Variants in TSPAN5 observed in about 807,000 individuals in gnomAD.
The protein encoded by TSPAN5 is tetraspanin 5.
In TSPAN5, 10 loss-of-function variants were observed where a neutral mutation model predicts 37.1. The observed-to-expected ratio is 0.27, with a 90% confidence interval of 0.17 to 0.46. The LOEUF (loss-of-function observed/expected upper bound fraction) is 0.46, where lower values mean the gene tolerates loss of function less well. TSPAN5 is among the 20% of genes least tolerant of loss of function. The pLI is 1.00. For missense variants in TSPAN5, 195 were observed against 326.6 expected (o/e 0.60, Z 3.11); for synonymous variants, 110 against 118.9 (o/e 0.93, Z 0.48).
At chr4:98,497,359 C>A (rs1753237108) in intron 2 of TSPAN5, among the ~76,000 whole-genome samples, 1 of 151,862 alleles carries the variant, frequency 6.6e-6, no homozygotes, top group Non-Finnish European at 1.5e-5. Flanking sequence ...CCAGGGCCCT[C>A]CCTCTCTCAC....
At chr4:98,556,459 T>C (rs781383467) in intron 1 of TSPAN5, among the ~76,000 whole-genome samples, 2 of 152,234 alleles carry the variant, frequency 1.3e-5, no homozygotes, top group African/African-American at 2.4e-5. Flanking sequence ...AGTATATGAA[T>C]GCCATCTAAA....
At chr4:98,606,868 G>A (rs1290365896) in intron 1 of TSPAN5, among the ~76,000 whole-genome samples, 1 of 152,182 alleles carries the variant, frequency 6.6e-6, no homozygotes, top group Non-Finnish European at 1.5e-5. Context: ...TCTTTAGGGG[G>A]CATTTATGAG....
chr4:98,643,216 C>G (rs1756994610), intron 1 of TSPAN5, among the ~76,000 whole-genome samples: 1 of 152,106 alleles, frequency 6.6e-6, no homozygotes. Flanking sequence ...GTTATAAATG[C>G]CTACAGTATT....
chr4:98,476,104 G>C (rs1752689545), intron 7 of TSPAN5, 85 bp downstream of exon 7: 1 of 1,003,070 alleles, frequency 1.0e-6, no homozygotes, highest in Admixed American at 2.0e-5. Flanking sequence ...TGACAATCAA[G>C]GTTTTTAAGC....
chr4:98,522,173 C>T (rs1753870976), intron 1 of TSPAN5, among the ~76,000 whole-genome samples: 1 of 152,176 alleles, frequency 6.6e-6, no homozygotes, highest in Non-Finnish European at 1.5e-5. Flanking sequence ...CCTATGTGCC[C>T]AACCCCCACA....
intron 1 of TSPAN5, among the ~76,000 whole-genome samples, chr4:98,626,793 C>T (rs1210794682): frequency 6.6e-6 from 1 of 151,406 alleles, no homozygotes; most frequent in African/African-American, 2.4e-5. Flanking sequence ...GCGTTTATCA[C>T]TATCTAATGA....
At chr4:98,573,688 T>A (rs1755173698) in intron 1 of TSPAN5, among the ~76,000 whole-genome samples, 1 of 152,270 alleles carries the variant, frequency 6.6e-6, no homozygotes, top group South Asian at 2.1e-4. Context: ...TAAGTACTGA[T>A]CTTCTCACAT....
rs1157310099 is a variant in TSPAN5 at position 98,658,560 on chromosome 4, G to A, written c.-334C>T. 5.9e-6 allele frequency: 1 copy of A among 169,122 alleles called. No homozygotes were observed. Among genetic ancestry groups the A allele is most frequent in the African/African-American group, 2.4e-5 (1 of 42,062 alleles). 10.5% of individuals were successfully genotyped at this position (169,122 alleles called of 1,614,324 possible). A position where few individuals can be genotyped will look rare whatever the true frequency, so the allele number is the denominator to read the frequency against. ...CGGTCGGTCCGTCGGTTCGTCCCCG[G>A]GCTTCGGGCAAAGGCGGCCGCGGCA... On this transcript the variant is annotated 5_prime_UTR_variant, in exon 1 of 8. Coordinates refer to ENST00000305798, the MANE Select transcript of TSPAN5 (RefSeq NM_005723.4).
At chr4:98,485,463 C>T (rs1368359589) in intron 3 of TSPAN5, 2 of 152,218 alleles carry the variant, frequency 1.3e-5, no homozygotes, top group Admixed American at 6.5e-5. Flanking sequence ...AGGAAACTAG[C>T]TACAGCCACT....
chr4:98,594,155 A>G (rs1241471983), intron 1 of TSPAN5, among the ~76,000 whole-genome samples: 1 of 124,688 alleles, frequency 8.0e-6, no homozygotes, highest in East Asian at 2.2e-4. Context: ...GGTCCTTCAC[A>G]TCCCTTGTAA....
chr4:98,582,530 G>A (rs1021358415), intron 1 of TSPAN5, among the ~76,000 whole-genome samples: 4 of 152,212 alleles, frequency 2.6e-5, no homozygotes, highest in African/African-American at 4.8e-5. Context: ...TTTGCCACAC[G>A]TTGACTTGCC....
At chr4:98,638,929 G>A (rs993515893) in intron 1 of TSPAN5, among the ~76,000 whole-genome samples, 1 of 152,228 alleles carries the variant, frequency 6.6e-6, no homozygotes, top group East Asian at 1.9e-4. Flanking sequence ...TCCAGCTGAG[G>A]AACCTATGCT....
chr4:98,533,939 TAAAAAAAAAAAA>T (rs1194318640), intron 1 of TSPAN5, among the ~76,000 whole-genome samples: 1 of 31,148 alleles, frequency 3.2e-5, no homozygotes, highest in African/African-American at 1.8e-4. Flanking sequence ...TTGTTGATCT[TAAAAAAAAAAAA>T]AAAAAAAAAA....
intron 1 of TSPAN5, among the ~76,000 whole-genome samples, chr4:98,550,119 C>T (rs1021227834): frequency 3.3e-5 from 5 of 152,152 alleles, no homozygotes; most frequent in South Asian, 4.1e-4. Context: ...ATCCAATTTT[C>T]CCAGCACCAT....
At chr4:98,638,966 CAGTA>C (rs367684788) in intron 1 of TSPAN5, among the ~76,000 whole-genome samples, 13 of 152,184 alleles carry the variant, frequency 8.5e-5, no homozygotes, top group African/African-American at 2.7e-4. Context: ...TTATAGTAAG[CAGTA>C]AGTGAGAGTA....
intron 1 of TSPAN5, among the ~76,000 whole-genome samples, chr4:98,613,119 TG>T (rs1041397274): frequency 2.0e-4 from 30 of 147,312 alleles, no homozygotes; most frequent in African/African-American, 6.9e-4. Context: ...ACAACACATC[TG>T]GGTTGAGGGC....
chr4:98,526,931 G>C (rs935666564), intron 1 of TSPAN5, among the ~76,000 whole-genome samples: 2 of 152,216 alleles, frequency 1.3e-5, no homozygotes, highest in Non-Finnish European at 2.9e-5. Flanking sequence ...GAAAAATGAA[G>C]AGTGAGGTTT....
intron 1 of TSPAN5, among the ~76,000 whole-genome samples, chr4:98,564,601 A>T (rs1196898378): frequency 6.6e-6 from 1 of 152,128 alleles, no homozygotes; most frequent in Non-Finnish European, 1.5e-5. Flanking sequence ...AATTGAAATG[A>T]GGGTAAATAA....
chr4:98,537,618 A>G (rs1754265547), intron 1 of TSPAN5, among the ~76,000 whole-genome samples: 1 of 152,196 alleles, frequency 6.6e-6, no homozygotes, highest in Non-Finnish European at 1.5e-5. Context: ...AATTCACTGA[A>G]GATCTTTCTG....
Sources: allele counts gnomAD v4.1 joint callset (sites outside exome capture counted in the v4.1 genomes callset), GRCh38; gene constraint gnomAD v4.1.1; transcripts MANE v1.5; gene names NCBI Gene and HGNC (gene_info 2026-07-23, HGNC 2026-07-21).